Variants in ARHGEF26 observed in about 807,000 individuals in gnomAD.
The protein encoded by ARHGEF26 is Rho guanine nucleotide exchange factor (GEF) 26.
A neutral mutation model predicts 89.4 loss-of-function variants in ARHGEF26; 59 were observed. That is an observed-to-expected ratio of 0.66 (90% CI 0.54 to 0.82). The LOEUF (loss-of-function observed/expected upper bound fraction) is 0.82, where lower values mean the gene tolerates loss of function less well. Ranked by LOEUF, ARHGEF26 falls within the 40% of genes least tolerant of loss-of-function variation. The pLI is 0.00. For missense variants in ARHGEF26, 1,234 were observed against 1,085.6 expected (o/e 1.14, Z -1.92); for synonymous variants, 500 against 428.4 (o/e 1.17, Z -2.06).
At chr3:154,176,332 A>G (rs1056393810) in intron 6 of ARHGEF26, among the ~76,000 whole-genome samples, 12 of 152,164 alleles carry the variant, frequency 7.9e-5, no homozygotes, top group African/African-American at 2.4e-4. Flanking sequence ...ATGCAAGGGT[A>G]TATGTATATG....
intron 6 of ARHGEF26, among the ~76,000 whole-genome samples, chr3:154,185,361 C>T (rs1559884429): frequency 6.6e-6 from 1 of 152,110 alleles, no homozygotes; most frequent in Non-Finnish European, 1.5e-5. Flanking sequence ...GTTACCCACA[C>T]TTCTCTTCTA....
chr3:154,244,220 G>T (rs1045383232), intron 12 of ARHGEF26, among the ~76,000 whole-genome samples: 1 of 152,160 alleles, frequency 6.6e-6, no homozygotes. Context: ...TTGAAAAACT[G>T]TTGTCACTAA....
intron 8 of ARHGEF26, among the ~76,000 whole-genome samples, chr3:154,194,294 A>T (rs1487625717): frequency 6.6e-6 from 1 of 152,206 alleles, no homozygotes; most frequent in Non-Finnish European, 1.5e-5. Flanking sequence ...CAACCTTGTG[A>T]TGTAGCTGGC....
At chr3:154,246,132 A>T (rs142997556) in intron 12 of ARHGEF26, among the ~76,000 whole-genome samples, 82 of 152,280 alleles carry the variant, frequency 5.4e-4, no homozygotes, top group African/African-American at 1.9e-3. Flanking sequence ...GGTGGTGAGG[A>T]TAGGTACTCT....
In ARHGEF26 at chr3:154,193,852, G is replaced by T. The variant is rs146266430; in HGVS notation, c.1771-792G>T. ...TGCTGGTTTTTTTGGGTTTTTTTTTGACTGTTTTTTCTTTGAGATGCTGTC... is the reference window on the plus strand; with the variant it reads ...TGCTGGTTTTTTTGGGTTTTTTTTTTACTGTTTTTTCTTTGAGATGCTGTC... On this transcript the variant is annotated intron_variant, in intron 8 of 14. Coordinates refer to ENST00000465093, the MANE Select transcript of ARHGEF26 (RefSeq NM_015595.4). Among the ~76,000 whole-genome samples, 133 of 142,484 alleles carry T rather than the reference G, an allele frequency of 9.3e-4. 1 individual carries two copies. Among genetic ancestry groups the T allele is most frequent in the African/African-American group, 3.3e-3 (124 of 37,308 alleles). The allele number at this position is 142,484 out of a possible 152,430, so 93.5% of individuals were successfully genotyped here.
chr3:154,155,556 C>A lies in ARHGEF26; in HGVS notation c.1487+2624C>A, dbSNP rs897911924. ...TGAACATAACTGAATTTATCAAATA[C>A]CAAAATATTAGAATCCAGGGTATTC... On this transcript the variant is annotated intron_variant, in intron 6 of 14. Transcript: ENST00000465093. Among the ~76,000 whole-genome samples, 12 of 151,882 alleles carry A rather than the reference C, an allele frequency of 7.9e-5. No homozygotes were observed. The East Asian group carries it at 1.5e-3, about 20-fold the overall frequency.
chr3:154,192,588 A>T (rs750160367), intron 8 of ARHGEF26, among the ~76,000 whole-genome samples: 1 of 152,060 alleles, frequency 6.6e-6, no homozygotes, highest in Non-Finnish European at 1.5e-5. Context: ...AGTTTTGAAC[A>T]TTTCACTTTC....
intron 9 of ARHGEF26, among the ~76,000 whole-genome samples, chr3:154,199,225 C>T (rs1267987970): frequency 6.6e-6 from 1 of 152,100 alleles, no homozygotes. Context: ...ACTACCCTTC[C>T]TAGCCTCTGG....
At chr3:154,203,490 T>C (rs919617025) in intron 9 of ARHGEF26, among the ~76,000 whole-genome samples, 2 of 152,164 alleles carry the variant, frequency 1.3e-5, no homozygotes, top group African/African-American at 2.4e-5. Context: ...TTCTCTTGTT[T>C]GATTGTACTA....
intron 4 of ARHGEF26, among the ~76,000 whole-genome samples, chr3:154,137,462 G>T (rs12498021): frequency 0.23 from 35,017 of 151,914 alleles, 5,399 homozygotes; most frequent in East Asian, 0.47. Context: ...CCAATTTCAG[G>T]TATTCTGTTG....
intron 10 of ARHGEF26, 132 bp downstream of exon 10, chr3:154,218,090 C>G (rs1715895099): frequency 1.3e-6 from 1 of 778,444 alleles, no homozygotes; most frequent in Non-Finnish European, 2.0e-6. Context: ...GAGGGAGTAG[C>G]AGATGCTTCA....
At chr3:154,206,640 A>G (rs1296964966) in intron 9 of ARHGEF26, among the ~76,000 whole-genome samples, 2 of 152,362 alleles carry the variant, frequency 1.3e-5, no homozygotes, top group Middle Eastern at 3.4e-3. Flanking sequence ...AAAACATTCC[A>G]TGCTCATGGA....
intron 9 of ARHGEF26, among the ~76,000 whole-genome samples, chr3:154,213,025 C>G (rs987977267): frequency 6.6e-5 from 10 of 152,090 alleles, no homozygotes; most frequent in Non-Finnish European, 1.3e-4. Flanking sequence ...GTTTTAAATT[C>G]TTTTGTATAT....
chr3:154,254,264 T>G (rs1435728596), intron 13 of ARHGEF26, among the ~76,000 whole-genome samples: 2 of 152,208 alleles, frequency 1.3e-5, no homozygotes, highest in Non-Finnish European at 2.9e-5. Flanking sequence ...AGCTTTTGGT[T>G]GGAGCTCATT....
chr3:154,181,519 G>A (rs559847518), intron 6 of ARHGEF26, among the ~76,000 whole-genome samples: 3 of 152,246 alleles, frequency 2.0e-5, no homozygotes, highest in South Asian at 2.1e-4. Context: ...ACCGGACAGC[G>A]GCATTGATTA....
At chr3:154,254,937 G>A (rs1158500212) in intron 14 of ARHGEF26, 113 bp downstream of exon 14, 5 of 877,168 alleles carry the variant, frequency 5.7e-6, no homozygotes, top group Non-Finnish European at 7.3e-6. Context: ...ACATGTTAAT[G>A]TTTGAGATCA....
At chr3:154,194,155 A>G (rs1203079074) in intron 8 of ARHGEF26, among the ~76,000 whole-genome samples, 2 of 152,194 alleles carry the variant, frequency 1.3e-5, no homozygotes, top group Non-Finnish European at 2.9e-5. Context: ...TGTATCATCT[A>G]TAAATATAAT....
chr3:154,188,682 A>G (rs1205248658), intron 7 of ARHGEF26, among the ~76,000 whole-genome samples: 3 of 152,142 alleles, frequency 2.0e-5, no homozygotes, highest in Non-Finnish European at 4.4e-5. Flanking sequence ...GCTTCGGTCA[A>G]CTTCTGTGCA....
chr3:154,146,156 G>A (rs1485246345), intron 4 of ARHGEF26, among the ~76,000 whole-genome samples: 1 of 152,180 alleles, frequency 6.6e-6, no homozygotes, highest in African/African-American at 2.4e-5. Flanking sequence ...AGGCAGATTT[G>A]GTGTTTGGCA....
Sources: gnomAD v4.1 joint callset for allele counts (sites outside exome capture counted in the v4.1 genomes callset) on GRCh38, gnomAD v4.1.1 for gene constraint, MANE v1.5 for transcripts, NCBI Gene and HGNC (gene_info 2026-07-23, HGNC 2026-07-21) for gene names.